The following ACACB variants were observed in gnomAD, a reference collection of about 807,000 sequenced individuals.
The protein encoded by ACACB is acetyl-CoA carboxylase 2.
Under a neutral mutation model 278.8 loss-of-function variants are expected in ACACB, and 209 were observed. The ratio of observed to expected loss-of-function variants is 0.75; its 90% CI spans 0.67 to 0.84. The LOEUF is 0.84. Among genes scored for constraint, ACACB ranks in the 40% least tolerant of loss-of-function variants. The pLI is 0.00. For synonymous variants in ACACB, 1,174 were observed against 1,285.6 expected, an observed-to-expected ratio of 0.91 and a Z score of 1.86; for missense variants, 2,850 against 3,269.0, an observed-to-expected ratio of 0.87 and a Z score of 3.13.
At position 109,216,510 on chromosome 12, in the gene ACACB, A is replaced by G. The variant is rs1593601321; in HGVS notation, c.3351-108A>G. On this transcript the variant is annotated intron_variant, in intron 22 of 52. Transcript: ENST00000338432. ...GCTGGGATTACAGGCATGAGCCACC[A>G]TGCCCAGCCAATCCTTTCTCTTTTT... is the stretch of plus-strand genomic sequence containing the variant. 4.8e-5 allele frequency: 56 copies of G among 1,161,924 alleles called. 1 individual carries two copies. In the South Asian group the frequency reaches 7.0e-4, roughly 15 times the overall value. 72.0% of individuals were successfully genotyped at this position (1,161,924 alleles called of 1,614,324 possible).
chr12:109,210,143 GTA>G lies in ACACB; in HGVS notation c.3249+797_3249+798del, dbSNP rs1273019722. On this transcript the variant is annotated intron_variant, in intron 21 of 52. Transcript: ENST00000338432. ...CACGTACATGTATGTGTGTATATAT[GTA>G]TATATACACACGTGTGTATATGTAT... is the stretch of plus-strand genomic sequence containing the variant. Among the ~76,000 whole-genome samples the G allele has an allele frequency of 1.2e-4, 8 of 66,612 alleles. 1 individual carries two copies. The highest frequency in any genetic ancestry group is 1.9e-4 in the Non-Finnish European group (6 of 31,320). The allele number at this position is 66,612 out of a possible 152,430, so 43.7% of individuals were successfully genotyped here. A position where few individuals can be genotyped will look rare whatever the true frequency, so the allele number is the denominator to read the frequency against.
chr12:109,242,420 C>A lies in ACACB; in HGVS notation c.5023-17C>A. On this transcript the variant is annotated splice_polypyrimidine_tract_variant and intron_variant, in intron 36 of 52. Coordinates refer to ENST00000338432, the MANE Select transcript of ACACB (RefSeq NM_001093.4). The stretch of plus-strand genomic sequence containing the variant: ...TGATTCTCTCTCACTCTCTGTTTTC[C>A]CTCCTTTCTGGTCCAGATCATGTTT... 2 of 1,610,218 alleles carry A rather than the reference C, an allele frequency of 1.2e-6. No homozygotes were observed. Among genetic ancestry groups the A allele is most frequent in the East Asian group, 2.2e-5 (1 of 44,756 alleles).
At chr12:109,151,174 A>G (rs948409699) in intron 2 of ACACB, among the ~76,000 whole-genome samples, 4 of 151,862 alleles carry the variant, frequency 2.6e-5, no homozygotes, top group Non-Finnish European at 4.4e-5. Flanking sequence ...TAATAGAGAC[A>G]GGGTTTCACC....
At chr12:109,187,978 C>A (rs762590433) in intron 12 of ACACB, 21 bp from the exon 13 acceptor site, 1 of 1,578,030 alleles carries the variant, frequency 6.3e-7, no homozygotes, top group Admixed American at 1.8e-5. Context: ...TTCCATTTTG[C>A]ATTTTCTGTC....
chr12:109,180,978 C>T (rs948920547), intron 11 of ACACB, among the ~76,000 whole-genome samples: 1 of 152,140 alleles, frequency 6.6e-6, no homozygotes, highest in African/African-American at 2.4e-5. Flanking sequence ...CATGCCCCTA[C>T]CTCTTCCTTT....
chr12:109,209,138 G>A (rs1269466349), intron 20 of ACACB, 27 bp from the exon 21 acceptor site: 1 of 1,566,162 alleles, frequency 6.4e-7, no homozygotes, highest in South Asian at 1.2e-5. Flanking sequence ...GCAGGGCTGG[G>A]GGCTGATGCT....
intron 34 of ACACB, among the ~76,000 whole-genome samples, chr12:109,238,284 T>C (rs1009361578): frequency 6.7e-6 from 1 of 149,162 alleles, no homozygotes; most frequent in Non-Finnish European, 1.5e-5. Flanking sequence ...ACCTCTTTCA[T>C]TGTTAATAAA....
At chr12:109,161,749 G>GTT (rs1157422684) in intron 2 of ACACB, among the ~76,000 whole-genome samples, 1 of 151,268 alleles carries the variant, frequency 6.6e-6, no homozygotes, top group Non-Finnish European at 1.5e-5. Flanking sequence ...ATGTGTGTGT[G>GTT]TGGTGTGTGT....
At chr12:109,207,538 A>G (rs999014989) in intron 20 of ACACB, among the ~76,000 whole-genome samples, 1 of 152,214 alleles carries the variant, frequency 6.6e-6, no homozygotes, top group Non-Finnish European at 1.5e-5. Flanking sequence ...TCTGATTTGC[A>G]GACCTCCTTG....
In ACACB at chr12:109,196,344, A is replaced by G. The variant is rs566218125; in HGVS notation, c.2482-664A>G. Among the ~76,000 whole-genome samples the G allele has an allele frequency of 4.6e-5, 7 of 152,298 alleles. No homozygotes were observed. The South Asian group carries it at 1.4e-3, about 32-fold the overall frequency. ...AAAGACTGAGTGGCTTCTAAACCAC[A>G]CACTGAATTTCTCACAATTCTCTAG... On this transcript the variant is annotated intron_variant, in intron 16 of 52. Transcript: ENST00000338432.
In ACACB at chr12:109,191,854, A is replaced by T; in HGVS notation, c.2303A>T (p.Lys768Ile). The change falls in exon 15 of 53, where the codon AAA (lysine) becomes ATA (isoleucine). Residue 768 changes from lysine to isoleucine, a missense_variant. Physicochemically the swap from Lys to Ile is moderately radical, Grantham distance 102. Transcript: ENST00000338432. ...YLIAEKVQAEKPDIMLGVVCG... is the reference protein window; with the variant it reads ...YLIAEKVQAEIPDIMLGVVCG... ...AAGTGCATTTTCTCCTAGGCGGAGAAACCGGATATCATGCTTGGGGTGGTA... is the reference window on the plus strand; with the variant it reads ...AAGTGCATTTTCTCCTAGGCGGAGATACCGGATATCATGCTTGGGGTGGTA... 6.2e-7 allele frequency: 1 copy of T among 1,614,184 alleles called. No homozygotes were observed. Among genetic ancestry groups the T allele is most frequent in the Non-Finnish European group, 8.5e-7 (1 of 1,180,030 alleles).
chr12:109,202,322 C>A (rs1217183862), intron 19 of ACACB, among the ~76,000 whole-genome samples: 2 of 151,826 alleles, frequency 1.3e-5, no homozygotes, highest in African/African-American at 4.8e-5. Flanking sequence ...TATTATTATT[C>A]ATTTTTTTTT....
intron 24 of ACACB, among the ~76,000 whole-genome samples, chr12:109,219,618 G>C (rs1427409792): frequency 6.6e-6 from 1 of 152,202 alleles, no homozygotes; most frequent in Non-Finnish European, 1.5e-5. Flanking sequence ...TGCGAAAATA[G>C]TGTAAAGGAT....
intron 17 of ACACB, among the ~76,000 whole-genome samples, chr12:109,198,478 G>A (rs967143389): frequency 6.6e-5 from 10 of 151,946 alleles, no homozygotes; most frequent in Admixed American, 6.6e-4. Context: ...GACCCTGATC[G>A]CTTGAGTCCA....
chr12:109,147,798 G>C (rs2043279235), intron 2 of ACACB, among the ~76,000 whole-genome samples: 1 of 152,116 alleles, frequency 6.6e-6, no homozygotes, highest in African/African-American at 2.4e-5. Context: ...GAATGAGTGT[G>C]GGAATGGATG....
chr12:109,148,926 C>G (rs2043305987), intron 2 of ACACB, among the ~76,000 whole-genome samples: 1 of 152,110 alleles, frequency 6.6e-6, no homozygotes, highest in South Asian at 2.1e-4. Context: ...CATTTTCTAA[C>G]TTTCTGCTCT....
intron 35 of ACACB, 122 bp from the exon 36 acceptor site, chr12:109,240,956 C>A: frequency 1.2e-6 from 1 of 865,240 alleles, no homozygotes; most frequent in Non-Finnish European, 1.8e-6. Context: ...TTGTTGGATA[C>A]ACACTATGTC....
intron 34 of ACACB, 101 bp downstream of exon 34, chr12:109,237,481 G>A: frequency 8.0e-7 from 1 of 1,247,998 alleles, no homozygotes; most frequent in Non-Finnish European, 1.1e-6. Flanking sequence ...TGGGGATGGA[G>A]AGTACACCAA....
intron 24 of ACACB, among the ~76,000 whole-genome samples, chr12:109,219,726 A>C (rs2046107422): frequency 6.6e-6 from 1 of 152,202 alleles, no homozygotes; most frequent in Non-Finnish European, 1.5e-5. Context: ...ATAATGTGGC[A>C]AAAGTTTTAA....
Sources: allele counts gnomAD v4.1 joint callset (sites outside exome capture counted in the v4.1 genomes callset), GRCh38; gene constraint gnomAD v4.1.1; transcripts MANE v1.5; gene names NCBI Gene and HGNC (gene_info 2026-07-23, HGNC 2026-07-21).